Variants in DENND4C observed in about 807,000 individuals in gnomAD.
DENND4C encodes DENN domain-containing protein 4C.
DENND4C carries 108 observed loss-of-function variants against 203.0 expected under a neutral mutation model. That is an observed-to-expected ratio of 0.53 (90% CI 0.46 to 0.62). The LOEUF is 0.62. Ranked by LOEUF, DENND4C falls within the 20% of genes least tolerant of loss-of-function variation. The probability of loss-of-function intolerance (pLI) is 0.00; values close to 1 mark genes in which losing one functional copy is unlikely to be tolerated. For missense variants in DENND4C, 2,481 were observed against 2,301.2 expected (o/e 1.08, Z -1.60); for synonymous variants, 871 against 792.4 (o/e 1.10, Z -1.67).
intron 7 of DENND4C, 39 bp downstream of exon 7, chr9:19,298,161 A>G (rs765330453): frequency 5.2e-6 from 8 of 1,551,822 alleles, no homozygotes; most frequent in East Asian, 4.5e-5. Context: ...AACTTTGCAT[A>G]TGCTCACCTG....
chr9:19,370,280 A>G (rs992850349), intron 31 of DENND4C, among the ~76,000 whole-genome samples: 2 of 151,960 alleles, frequency 1.3e-5, no homozygotes, highest in Non-Finnish European at 2.9e-5. Context: ...TGAGCAACAT[A>G]GCAAGACCCC....
chr9:19,230,571 GC>G (rs1417693970), upstream of DENND4C: 2 of 152,168 alleles, frequency 1.3e-5, no homozygotes, highest in Non-Finnish European at 2.9e-5. Flanking sequence ...TAGGCGACGC[GC>G]CGCCCGCACT....
chr9:19,242,578 C>T (rs182862357), intron 1 of DENND4C, among the ~76,000 whole-genome samples: 204 of 151,554 alleles, frequency 1.3e-3, no homozygotes, highest in African/African-American at 4.5e-3. Flanking sequence ...CATTTTCATT[C>T]GTATTTGGTA....
In DENND4C at chr9:19,324,387, C is replaced by T. The variant is rs1185819439; in HGVS notation, c.1833C>T (p.Ala611=). ...RQGFLKSRDR[A]YAKFYTLLSK... Reference sequence around the variant, plus strand: ...GATTTTTAAAAAGTCGAGATCGTGCCTATGCAAAATTCTATACCCTTTTAT... The same window carrying T: ...GATTTTTAAAAAGTCGAGATCGTGCTTATGCAAAATTCTATACCCTTTTAT... Residue 611 remains alanine, a synonymous_variant, in exon 13 of 33, where the codon GCC becomes GCT. Coordinates refer to ENST00000434457, the MANE Select transcript of DENND4C (RefSeq NM_001330640.2). 6.2e-7 allele frequency: 1 copy of T among 1,603,912 alleles called. No individual in the cohort carries two copies. Among genetic ancestry groups the T allele is most frequent in the Non-Finnish European group, 8.5e-7 (1 of 1,177,248 alleles).
chr9:19,258,106 A>G (rs528492657), intron 1 of DENND4C, among the ~76,000 whole-genome samples: 1 of 146,692 alleles, frequency 6.8e-6, no homozygotes, highest in South Asian at 2.3e-4. Context: ...CAACAGAGTA[A>G]GACCCTGTCT....
chr9:19,286,985 C>G lies in DENND4C; in HGVS notation c.522C>G (p.Thr174=). The G allele has an allele frequency of 2.4e-6, 3 of 1,232,056 alleles. No homozygotes were observed. Among genetic ancestry groups the G allele is most frequent in the Non-Finnish European group, 3.0e-6 (3 of 987,938 alleles). The allele number at this position is 1,232,056 out of a possible 1,614,324, so 76.3% of individuals were successfully genotyped here. A position where few individuals can be genotyped will look rare whatever the true frequency, so the allele number is the denominator to read the frequency against. Residue 174 remains threonine, a synonymous_variant, in exon 3 of 33, where the codon ACC becomes ACG. Transcript: ENST00000434457. ...GTAAAGGAGAAACTCCTCCTCATAC[C>G]TTCTGCAAAGTTGACAAAAACTTAA... The part of the protein sequence containing the change: ...VTSKGETPPH[T]FCKVDKNLNC...
In DENND4C at chr9:19,252,794, G is replaced by A. The variant is rs184715142; in HGVS notation, c.-18+21961G>A. On this transcript the variant is annotated intron_variant, in intron 1 of 32. Transcript: ENST00000434457. Reference sequence around the variant, plus strand: ...TCTGTCACTCAGGCTAGGGTGCAGTGGCACTATCTTGGCTCACTGCAACCT... The same window carrying A: ...TCTGTCACTCAGGCTAGGGTGCAGTAGCACTATCTTGGCTCACTGCAACCT... Among the ~76,000 whole-genome samples the A allele has an allele frequency of 6.6e-5, 10 of 152,032 alleles. No individual in the cohort carries two copies. In the East Asian group the frequency reaches 1.9e-3, roughly 29 times the overall value.
intron 3 of DENND4C, among the ~76,000 whole-genome samples, chr9:19,287,912 A>C (rs4333703): frequency 0.49 from 74,380 of 151,856 alleles, 19,140 homozygotes; most frequent in South Asian, 0.65. Context: ...TTGTATGTTT[A>C]GTAGAGATGA....
intron 1 of DENND4C, among the ~76,000 whole-genome samples, chr9:19,265,572 T>A (rs1019822546): frequency 9.2e-5 from 14 of 152,142 alleles, no homozygotes; most frequent in Non-Finnish European, 1.5e-4. Context: ...TCATTTACAT[T>A]AGGTATATCT....
At chr9:19,281,469 T>C (rs1834028380) in intron 2 of DENND4C, among the ~76,000 whole-genome samples, 1 of 152,216 alleles carries the variant, frequency 6.6e-6, no homozygotes, top group African/African-American at 2.4e-5. Context: ...GAAAGCCTAT[T>C]AGCTACTGGA....
At chr9:19,300,458 T>C (rs1055765202) in intron 9 of DENND4C, 127 bp downstream of exon 9, 11 of 906,706 alleles carry the variant, frequency 1.2e-5, no homozygotes, top group Admixed American at 3.6e-5. Context: ...TTGAAAAATT[T>C]CCAGCCCAGT....
chr9:19,272,966 T>TG (rs757348584), intron 1 of DENND4C, among the ~76,000 whole-genome samples: 129 of 130,558 alleles, frequency 9.9e-4, no homozygotes, highest in Non-Finnish European at 1.7e-3. Flanking sequence ...TTTTTTTTTT[T>TG]GAGATGGAGT....
rs763853446 is a variant in DENND4C at position 19,290,819 on chromosome 9, C to A, written c.744C>A (p.Thr248=). The change falls in exon 5 of 33, where the codon ACC becomes ACA. Residue 248 remains threonine, a synonymous_variant. Transcript: ENST00000434457. ...GATIECWDPE[T]KYPLPVFSTF... ...CTATTGAGTGCTGGGATCCTGAAAC[C>A]AAATATCCACTTCCAGTTTTTTCAA... The A allele has an allele frequency of 9.3e-6, 15 of 1,613,506 alleles. No homozygotes were observed. In the South Asian group the frequency reaches 1.6e-4, roughly 18 times the overall value.
At position 19,253,346 on chromosome 9, in the gene DENND4C, G is replaced by A. The variant is rs140333299; in HGVS notation, c.-18+22513G>A. 8.0e-3 allele frequency among the ~76,000 whole-genome samples: 1,219 copies of A among 152,238 alleles called. 10 individuals carry two copies. Among genetic ancestry groups the A allele is most frequent in the Non-Finnish European group, 0.013 (879 of 68,010 alleles). ...CATGCCCAACGCCTTTTAGGCATTTGTTATTTGCATCCCTTCTTTATAACC... is the reference window on the plus strand; with the variant it reads ...CATGCCCAACGCCTTTTAGGCATTTATTATTTGCATCCCTTCTTTATAACC... On this transcript the variant is annotated intron_variant, in intron 1 of 32. Transcript: ENST00000434457.
chr9:19,263,860 A>T (rs1829945753), intron 1 of DENND4C, among the ~76,000 whole-genome samples: 1 of 151,842 alleles, frequency 6.6e-6, no homozygotes, highest in Non-Finnish European at 1.5e-5. Flanking sequence ...GGATTTCACC[A>T]TGTTGGCCAG....
intron 26 of DENND4C, among the ~76,000 whole-genome samples, chr9:19,355,873 T>C (rs992769978): frequency 1.3e-5 from 2 of 152,186 alleles, no homozygotes; most frequent in Non-Finnish European, 2.9e-5. Flanking sequence ...GCCTGGTATA[T>C]CTCTGTATTT....
chr9:19,303,424 A>G (rs1839004580), intron 9 of DENND4C, among the ~76,000 whole-genome samples: 1 of 152,178 alleles, frequency 6.6e-6, no homozygotes, highest in Non-Finnish European at 1.5e-5. Context: ...ATTTATTCAT[A>G]TATTGCCTAT....
chr9:19,245,282 C>A (rs1455265234), intron 1 of DENND4C, among the ~76,000 whole-genome samples: 1 of 150,952 alleles, frequency 6.6e-6, no homozygotes. Flanking sequence ...TCCTGGCTAA[C>A]AAGGTGAAAC....
chr9:19,264,176 TTTG>T (rs1588778144), intron 1 of DENND4C, among the ~76,000 whole-genome samples: 1 of 152,128 alleles, frequency 6.6e-6, no homozygotes, highest in East Asian at 1.9e-4. Context: ...TCAATCTCAT[TTTG>T]TTGTTGGTCT....
Sources: gnomAD v4.1 joint callset for allele counts (sites outside exome capture counted in the v4.1 genomes callset) on GRCh38, gnomAD v4.1.1 for gene constraint, MANE v1.5 for transcripts, NCBI Gene and HGNC (gene_info 2026-07-23, HGNC 2026-07-21) for gene names.